Variants in TENM3 observed in about 807,000 individuals in gnomAD.
The protein encoded by TENM3 is teneurin transmembrane protein 3.
Under a neutral mutation model 255.1 loss-of-function variants are expected in TENM3, and 63 were observed. The ratio of observed to expected loss-of-function variants is 0.25; its 90% CI spans 0.20 to 0.30. The LOEUF is 0.30. Among genes scored for constraint, TENM3 ranks in the 10% least tolerant of loss-of-function variants. TENM3 has a pLI of 1.00. For synonymous variants in TENM3, 1,306 were observed against 1,322.3 expected (o/e 0.99, Z 0.27); for missense variants, 2,929 against 3,461.1 (o/e 0.85, Z 3.86).
chr4:182,213,138 C>A (rs1755168829), intron 1 of TENM3, among the ~76,000 whole-genome samples: 1 of 152,196 alleles, frequency 6.6e-6, no homozygotes, highest in African/African-American at 2.4e-5. Flanking sequence ...CAGTAACTGG[C>A]AGTCCTATTA....
chr4:182,322,204 A>G (rs967269689), intron 1 of TENM3, among the ~76,000 whole-genome samples: 1 of 152,224 alleles, frequency 6.6e-6, no homozygotes, highest in African/African-American at 2.4e-5. Context: ...GTTTTTTAAA[A>G]TAAAAACCAA....
the TENM3 span, among the ~76,000 whole-genome samples, chr4:181,782,000 G>C: frequency 6.6e-6 from 1 of 152,150 alleles, no homozygotes; most frequent in African/African-American, 2.4e-5. Context: ...GCTTTTTGAT[G>C]TGCTGCTGGA....
the TENM3 span, among the ~76,000 whole-genome samples, chr4:181,790,351 G>A: frequency 6.6e-6 from 1 of 152,122 alleles, no homozygotes; most frequent in Non-Finnish European, 1.5e-5. Context: ...TTGATTTGCT[G>A]AACACTAAAT....
chr4:181,963,163 C>A, the TENM3 span, among the ~76,000 whole-genome samples: 4 of 152,192 alleles, frequency 2.6e-5, no homozygotes, highest in Admixed American at 6.5e-5. Flanking sequence ...TTTGGCCATA[C>A]TGCTTCTACA....
At chr4:182,104,477 A>T in the TENM3 span, among the ~76,000 whole-genome samples, 2 of 147,120 alleles carry the variant, frequency 1.4e-5, no homozygotes, top group Non-Finnish European at 3.0e-5. Flanking sequence ...TTCCTAACAG[A>T]TCATCCAGGG....
intron 3 of TENM3, among the ~76,000 whole-genome samples, chr4:182,544,881 G>A (rs754433338): frequency 3.9e-4 from 60 of 152,256 alleles, no homozygotes; most frequent in Non-Finnish European, 6.0e-4. Flanking sequence ...GTGAATTTGA[G>A]CAAATCTCTT....
chr4:181,684,623 C>A, the TENM3 span, among the ~76,000 whole-genome samples: 1 of 152,262 alleles, frequency 6.6e-6, no homozygotes, highest in South Asian at 2.1e-4. Context: ...GATGGGGCAA[C>A]CCTTATTCTG....
chr4:181,649,079 C>T, the TENM3 span, among the ~76,000 whole-genome samples: 2 of 152,158 alleles, frequency 1.3e-5, no homozygotes, highest in African/African-American at 4.8e-5. Flanking sequence ...TTACTGTGGG[C>T]AAGGCAAGGC....
chr4:182,340,581 T>C (rs1181211432), intron 2 of TENM3, among the ~76,000 whole-genome samples: 1 of 152,224 alleles, frequency 6.6e-6, no homozygotes, highest in Non-Finnish European at 1.5e-5. Context: ...CAAGAATGGG[T>C]ATTTTGTTCA....
At chr4:181,532,194 C>G in the TENM3 span, among the ~76,000 whole-genome samples, 1 of 152,006 alleles carries the variant, frequency 6.6e-6, no homozygotes, top group Non-Finnish European at 1.5e-5. Flanking sequence ...TGGAAAGCCA[C>G]GTGTATGAAA....
chr4:182,304,161 A>G (rs1305360023), intron 1 of TENM3, among the ~76,000 whole-genome samples: 1 of 151,950 alleles, frequency 6.6e-6, no homozygotes, highest in Non-Finnish European at 1.5e-5. Context: ...TAAATCTAGT[A>G]GTAGCAAGTA....
intron 3 of TENM3, among the ~76,000 whole-genome samples, chr4:182,596,585 C>T (rs113682510): frequency 0.017 from 2,617 of 152,174 alleles, 72 homozygotes; most frequent in African/African-American, 0.059. Flanking sequence ...AATGTCTTTC[C>T]AGAGAGAAGC....
Position 182,757,785 on chromosome 4 carries a change from A to T in TENM3, c.4892+2526A>T, listed in dbSNP as rs908977106. Reference sequence around the variant, plus strand: ...CCAATCTTGTATATAATGGGAAAACATTATTTTAAAGAATGAAAGATTTTA... The same window carrying T: ...CCAATCTTGTATATAATGGGAAAACTTTATTTTAAAGAATGAAAGATTTTA... On this transcript the variant is annotated intron_variant, in intron 22 of 27. Coordinates refer to ENST00000511685, the MANE Select transcript of TENM3 (RefSeq NM_001080477.4). Among the ~76,000 whole-genome samples, 10 of 152,324 alleles carry T rather than the reference A, an allele frequency of 6.6e-5. No individual in the cohort carries two copies. The East Asian group carries it at 1.9e-3, about 29-fold the overall frequency.
intron 1 of TENM3, among the ~76,000 whole-genome samples, chr4:182,308,866 C>G (rs1762281733): frequency 6.6e-6 from 1 of 152,074 alleles, no homozygotes; most frequent in Admixed American, 6.6e-5. Flanking sequence ...ATTTATATTC[C>G]CCAATACTGT....
the TENM3 span, among the ~76,000 whole-genome samples, chr4:182,108,112 C>T: frequency 4.6e-5 from 7 of 152,300 alleles, no homozygotes; most frequent in South Asian, 2.1e-4. Flanking sequence ...GACTTGCCAG[C>T]TTGTCACTCC....
At chr4:182,598,946 A>G (rs766704346) in intron 3 of TENM3, among the ~76,000 whole-genome samples, 1 of 152,166 alleles carries the variant, frequency 6.6e-6, no homozygotes, top group Non-Finnish European at 1.5e-5. Flanking sequence ...TCTCTATAAT[A>G]TAATATTCTT....
intron 3 of TENM3, among the ~76,000 whole-genome samples, chr4:182,587,558 A>G (rs1461052513): frequency 2.0e-5 from 3 of 152,098 alleles, no homozygotes; most frequent in Non-Finnish European, 2.9e-5. Flanking sequence ...CAGCCTGGCA[A>G]CAGAGTGAGA....
the TENM3 span, among the ~76,000 whole-genome samples, chr4:181,641,531 G>A: frequency 1.0e-5 from 1 of 97,982 alleles, no homozygotes; most frequent in Non-Finnish European, 1.9e-5. Context: ...TTTTGTGGCT[G>A]CATAGTATTC....
At chr4:182,287,859 C>T (rs148658982) in intron 1 of TENM3, among the ~76,000 whole-genome samples, 10 of 151,614 alleles carry the variant, frequency 6.6e-5, no homozygotes, top group East Asian at 5.8e-4. Flanking sequence ...CCTCGTGATC[C>T]GCCCACCTCA....
Sources: allele counts gnomAD v4.1 joint callset (sites outside exome capture counted in the v4.1 genomes callset), GRCh38; gene constraint gnomAD v4.1.1; transcripts MANE v1.5; gene names NCBI Gene and HGNC (gene_info 2026-07-23, HGNC 2026-07-21).